Variants in COL8A1 observed in about 807,000 individuals in gnomAD.
The protein encoded by COL8A1 is collagen alpha-1(VIII) chain.
In COL8A1, 21 loss-of-function variants were observed where a neutral mutation model predicts 42.7. The ratio of observed to expected loss-of-function variants is 0.49; its 90% CI spans 0.35 to 0.71. The LOEUF (loss-of-function observed/expected upper bound fraction) is 0.71, where lower values mean the gene tolerates loss of function less well. COL8A1 is among the 30% of genes least tolerant of loss of function. COL8A1 has a pLI of 0.01. For missense variants in COL8A1, 788 were observed against 962.4 expected, an observed-to-expected ratio of 0.82 and a Z score of 2.40; for synonymous variants, 367 against 369.1, an observed-to-expected ratio of 0.99 and a Z score of 0.06.
intron 2 of COL8A1, among the ~76,000 whole-genome samples, chr3:99,765,107 A>G (rs1480281763): frequency 6.6e-6 from 1 of 152,232 alleles, no homozygotes; most frequent in African/African-American, 2.4e-5. Context: ...AGAATATAAT[A>G]CATGCTGCAT....
chr3:99,687,844 T>C (rs946327219), intron 1 of COL8A1, among the ~76,000 whole-genome samples: 1 of 152,224 alleles, frequency 6.6e-6, no homozygotes, highest in South Asian at 2.1e-4. Context: ...CAAATAGTTG[T>C]TCAGCTACTG....
intron 2 of COL8A1, among the ~76,000 whole-genome samples, chr3:99,786,380 C>G (rs1470740240): frequency 2.0e-5 from 3 of 152,116 alleles, no homozygotes; most frequent in Non-Finnish European, 4.4e-5. Context: ...AATTAGTGCT[C>G]ATATAAAAGA....
intron 1 of COL8A1, chr3:99,677,890 T>A (rs982573308): frequency 6.6e-6 from 1 of 151,514 alleles, no homozygotes; most frequent in African/African-American, 2.4e-5. Flanking sequence ...GACTTGAATG[T>A]AAGGACATGG....
At chr3:99,773,819 A>ATATATATATATATAT (rs1246038625) in intron 2 of COL8A1, among the ~76,000 whole-genome samples, 1 of 56,404 alleles carries the variant, frequency 1.8e-5, no homozygotes, top group African/African-American at 8.3e-5. Flanking sequence ...ATGTGTGTAT[A>ATATATATATATATAT]TATATATATA....
intron 2 of COL8A1, among the ~76,000 whole-genome samples, chr3:99,750,610 T>C (rs943186678): frequency 2.0e-5 from 3 of 152,176 alleles, no homozygotes; most frequent in African/African-American, 7.2e-5. Context: ...TCACAAAATT[T>C]TTAAAAAATA....
intron 2 of COL8A1, among the ~76,000 whole-genome samples, chr3:99,754,308 T>C (rs1454397721): frequency 1.3e-5 from 2 of 152,200 alleles, no homozygotes; most frequent in Non-Finnish European, 2.9e-5. Flanking sequence ...CATAGCTATG[T>C]AATTCCCAAA....
At chr3:99,665,514 A>T (rs1463710181) in intron 1 of COL8A1, among the ~76,000 whole-genome samples, 2 of 152,110 alleles carry the variant, frequency 1.3e-5, no homozygotes, top group Admixed American at 6.5e-5. Flanking sequence ...AACTGGGACC[A>T]CACACACCAA....
At chr3:99,696,449 G>A (rs916811845) in intron 1 of COL8A1, among the ~76,000 whole-genome samples, 3 of 152,228 alleles carry the variant, frequency 2.0e-5, no homozygotes, top group Non-Finnish European at 4.4e-5. Context: ...AAGTCTGACA[G>A]TTGGGATATT....
intron 3 of COL8A1, among the ~76,000 whole-genome samples, chr3:99,792,684 T>C (rs193268116): frequency 1.3e-5 from 2 of 152,362 alleles, no homozygotes; most frequent in African/African-American, 2.4e-5. Context: ...ACCAGAAAGA[T>C]AAGCAGAGCT....
intron 1 of COL8A1, chr3:99,680,010 T>G (rs1432434158): frequency 6.6e-6 from 1 of 152,172 alleles, no homozygotes; most frequent in East Asian, 1.9e-4. Flanking sequence ...CTTTTTTTTA[T>G]TATACTTTAA....
intron 1 of COL8A1, among the ~76,000 whole-genome samples, chr3:99,650,525 C>A (rs1937810923): frequency 6.6e-6 from 1 of 152,070 alleles, no homozygotes. Context: ...ACCTTCACCT[C>A]CCGGGTTCAA....
chr3:99,648,163 C>G (rs780692756), intron 1 of COL8A1, among the ~76,000 whole-genome samples: 3 of 152,138 alleles, frequency 2.0e-5, no homozygotes, highest in Non-Finnish European at 2.9e-5. Flanking sequence ...CCCAATTTAA[C>G]GATGAGAAAA....
intron 1 of COL8A1, among the ~76,000 whole-genome samples, chr3:99,671,977 G>T (rs1316898465): frequency 6.6e-6 from 1 of 152,010 alleles, no homozygotes; most frequent in Non-Finnish European, 1.5e-5. Flanking sequence ...AGAGAAAAAA[G>T]CAGGTGTTTG....
intron 2 of COL8A1, among the ~76,000 whole-genome samples, chr3:99,779,906 G>C (rs899896768): frequency 6.6e-6 from 1 of 152,120 alleles, no homozygotes; most frequent in Non-Finnish European, 1.5e-5. Flanking sequence ...TCGATCTCAA[G>C]AACATTGAGC....
chr3:99,759,355 C>T (rs1191475265), intron 2 of COL8A1, among the ~76,000 whole-genome samples: 1 of 152,102 alleles, frequency 6.6e-6, no homozygotes, highest in Non-Finnish European at 1.5e-5. Flanking sequence ...TCTCAGTTCT[C>T]TCAGAGCTTC....
chr3:99,695,292 G>C (rs991935136), intron 1 of COL8A1, among the ~76,000 whole-genome samples: 2 of 152,114 alleles, frequency 1.3e-5, no homozygotes, highest in Admixed American at 6.5e-5. Flanking sequence ...TTAATCTTAA[G>C]AGGTTAGAAG....
At chr3:99,778,409 G>A (rs770975319) in intron 2 of COL8A1, among the ~76,000 whole-genome samples, 1 of 152,158 alleles carries the variant, frequency 6.6e-6, no homozygotes. Flanking sequence ...TCCTTGCAAT[G>A]AGAAGTCTTA....
intron 2 of COL8A1, among the ~76,000 whole-genome samples, chr3:99,773,837 A>ATATATT (rs1200212756): frequency 2.2e-5 from 1 of 45,396 alleles, no homozygotes; most frequent in Non-Finnish European, 3.6e-5. Flanking sequence ...ATATATATAT[A>ATATATT]TTTTTTTTTT....
At chr3:99,645,245 C>T (rs1937620151) in intron 1 of COL8A1, among the ~76,000 whole-genome samples, 1 of 152,134 alleles carries the variant, frequency 6.6e-6, no homozygotes, top group East Asian at 1.9e-4. Context: ...GTCCAGGAGT[C>T]ATGGTGTTCA....
Sources: gnomAD v4.1 joint callset for allele counts (sites outside exome capture counted in the v4.1 genomes callset) on GRCh38, gnomAD v4.1.1 for gene constraint, MANE v1.5 for transcripts, NCBI Gene and HGNC (gene_info 2026-07-23, HGNC 2026-07-21) for gene names.